The following NLRP13 variants were observed in gnomAD, a reference collection of about 807,000 sequenced individuals.
NLRP13 encodes NLR family pyrin domain containing 13, also known as NACHT, LRR and PYD domains-containing protein 13.
In NLRP13, 82 loss-of-function variants were observed where a neutral mutation model predicts 94.4. The observed-to-expected ratio is 0.87, with a 90% CI of 0.73 to 1.04. The LOEUF is 1.04. NLRP13 is among the 50% of genes least tolerant of loss of function. The pLI, the probability that NLRP13 is intolerant of heterozygous loss-of-function variation, is 0.00. For missense variants in NLRP13, 1,426 were observed against 1,230.8 expected, an observed-to-expected ratio of 1.16 and a Z score of -2.37; for synonymous variants, 553 against 464.7, an observed-to-expected ratio of 1.19 and a Z score of -2.45.
intron 3 of NLRP13, among the ~76,000 whole-genome samples, chr19:55,924,194 C>T (rs900088831): frequency 2.0e-5 from 3 of 152,288 alleles, no homozygotes; most frequent in African/African-American, 7.2e-5. Context: ...ACCATCTTGG[C>T]TCACTGCAAC....
intron 6 of NLRP13, 61 bp from the exon 7 acceptor site, chr19:55,908,017 G>C: frequency 6.7e-7 from 1 of 1,482,342 alleles, no homozygotes; most frequent in Non-Finnish European, 9.2e-7. Flanking sequence ...CCAGGATCCC[G>C]TCTGCCTCCT....
rs565720346 is a variant in NLRP13, at chr19:55,926,009, C to T, written c.320-974G>A. The stretch of plus-strand genomic sequence containing the variant: ...AGCTGAAGTCTGTCCTGAATTCTAA[C>T]TCTCCTGGAAGCAGGGAGCCCGAGT... On this transcript the variant is annotated intron_variant, in intron 1 of 10. Transcript: ENST00000342929. Among the ~76,000 whole-genome samples, 7 of 152,248 alleles carry T rather than the reference C, an allele frequency of 4.6e-5. No homozygotes were observed. In the South Asian group the frequency reaches 1.5e-3, roughly 32 times the overall value.
chr19:55,921,620 C>A (rs537039169), intron 4 of NLRP13, among the ~76,000 whole-genome samples: 2 of 152,202 alleles, frequency 1.3e-5, no homozygotes, highest in African/African-American at 4.8e-5. Flanking sequence ...ATAAATATTA[C>A]CTGTTATGAT....
chr19:55,907,448 T>A (rs552163603), intron 7 of NLRP13, among the ~76,000 whole-genome samples: 8 of 152,256 alleles, frequency 5.3e-5, no homozygotes, highest in Non-Finnish European at 1.0e-4. Flanking sequence ...GGCACACACC[T>A]GTGGGTACCA....
At chr19:55,915,780 AC>A (rs947845587) in intron 4 of NLRP13, among the ~76,000 whole-genome samples, 9 of 151,510 alleles carry the variant, frequency 5.9e-5, no homozygotes, top group African/African-American at 2.2e-4. Context: ...CTTCACTCCC[AC>A]CCCTCCATGG....
At chr19:55,892,223 G>T, downstream of NLRP13, 1 of 809,166 alleles carries the variant, frequency 1.2e-6, no homozygotes, top group Non-Finnish European at 1.7e-6. Context: ...TGTTACATGG[G>T]TCTACTGTGT....
chr19:55,902,094 C>T lies in NLRP13; in HGVS notation c.2730G>A (p.Glu910=), dbSNP rs1260670074. Reference sequence around the variant, plus strand: ...AGGCCTCACACAGGAACTTGACTCCCTCGTCTCTCAGGCTGTTCTTGCTCA... The same window carrying T: ...AGGCCTCACACAGGAACTTGACTCCTTCGTCTCTCAGGCTGTTCTTGCTCA... ...LNLSKNSLRD[E]GVKFLCEALG... Residue 910 remains glutamate, a synonymous_variant, in exon 9 of 11, where the codon GAG becomes GAA. Coordinates refer to ENST00000342929, the MANE Select transcript of NLRP13 (RefSeq NM_176810.2). 6.2e-7 allele frequency: 1 copy of T among 1,614,162 alleles called. No homozygotes were observed. The highest frequency in any genetic ancestry group is 1.1e-5 in the South Asian group (1 of 91,080).
At chr19:55,928,373 T>C (rs1469229978) in intron 1 of NLRP13, among the ~76,000 whole-genome samples, 1 of 152,174 alleles carries the variant, frequency 6.6e-6, no homozygotes, top group Non-Finnish European at 1.5e-5. Context: ...ACCCCATAAA[T>C]ATATACACCT....
intron 1 of NLRP13, among the ~76,000 whole-genome samples, chr19:55,931,523 A>G (rs1402597805): frequency 6.6e-6 from 1 of 151,494 alleles, no homozygotes; most frequent in Non-Finnish European, 1.5e-5. Context: ...CCTGGCTAAC[A>G]CAGTGAAACC....
downstream of NLRP13, among the ~76,000 whole-genome samples, chr19:55,892,554 TG>T (rs1480825668): frequency 6.6e-6 from 1 of 152,120 alleles, no homozygotes; most frequent in African/African-American, 2.4e-5. Context: ...CCTGAATAGC[TG>T]GGATTATAGG....
intron 4 of NLRP13, among the ~76,000 whole-genome samples, chr19:55,915,965 T>C (rs1273224193): frequency 1.3e-5 from 2 of 152,094 alleles, no homozygotes; most frequent in Non-Finnish European, 2.9e-5. Flanking sequence ...CACAACCCAA[T>C]ACAAAAGCTG....
At position 55,898,801 on chromosome 19, in the gene NLRP13, G is replaced by C. The variant is rs768591878; in HGVS notation, c.2926C>G (p.Leu976Val). ...DDGVKLLCEA[L>V]KPHRALHTLG... ...GTGTGCAATGCACGATGTGGTTTCA[G>C]AGCCTCACACAGTAGCTTCACTCCA... Residue 976 changes from leucine to valine, a missense_variant, in exon 10 of 11, where the codon CTG becomes GTG. Physicochemically the swap from Leu to Val is conservative, Grantham distance 32. Transcript: ENST00000342929. 2 of 1,612,120 alleles carry C rather than the reference G, an allele frequency of 1.2e-6. No homozygotes were observed.
chr19:55,910,916 C>A (rs1986492344), intron 5 of NLRP13, among the ~76,000 whole-genome samples, 183 bp from the exon 6 acceptor site: 1 of 152,188 alleles, frequency 6.6e-6, no homozygotes, highest in Admixed American at 6.5e-5. Flanking sequence ...AGTTTGAGAC[C>A]ACCATGGCCA....
chr19:55,898,826 A>G lies in NLRP13; in HGVS notation c.2901T>C (p.Asp967=), dbSNP rs759401181. The change falls in exon 10 of 11, where the codon GAT becomes GAC. Residue 967 remains aspartate, a synonymous_variant. Transcript: ENST00000342929. ...LDLGENDLQD[D]GVKLLCEALK... ...GAGCCTCACACAGTAGCTTCACTCC[A>G]TCATCCTGAAGATCATTTTCTCCCA... 5 of 1,613,872 alleles carry G rather than the reference A, an allele frequency of 3.1e-6. No individual in the cohort carries two copies. Among genetic ancestry groups the G allele is most frequent in the African/African-American group, 2.7e-5 (2 of 74,934 alleles).
intron 7 of NLRP13, among the ~76,000 whole-genome samples, chr19:55,906,499 A>G (rs1319710652): frequency 6.6e-6 from 1 of 152,076 alleles, no homozygotes; most frequent in Non-Finnish European, 1.5e-5. Context: ...TCCAGCTTGC[A>G]AAGAAGATGC....
At chr19:55,904,181 C>T (rs377685460) in intron 8 of NLRP13, among the ~76,000 whole-genome samples, 7 of 152,322 alleles carry the variant, frequency 4.6e-5, no homozygotes, top group Admixed American at 3.3e-4. Context: ...AAACCTTCAC[C>T]TCCTGGGTTC....
At chr19:55,899,007 C>T (rs1184217008) in intron 9 of NLRP13, 70 bp from the exon 10 acceptor site, 7 of 1,478,292 alleles carry the variant, frequency 4.7e-6, no homozygotes, top group Non-Finnish European at 6.4e-6. Context: ...TTTACAACTG[C>T]CCATCTCACG....
intron 9 of NLRP13, 140 bp downstream of exon 9, chr19:55,901,895 C>T: frequency 1.2e-6 from 1 of 853,658 alleles, no homozygotes; most frequent in Non-Finnish European, 1.8e-6. Flanking sequence ...ATCCCACACC[C>T]CCGACAAAAC....
intron 4 of NLRP13, among the ~76,000 whole-genome samples, chr19:55,922,039 G>A (rs1208961899): frequency 6.6e-6 from 1 of 152,204 alleles, no homozygotes; most frequent in African/African-American, 2.4e-5. Flanking sequence ...CATGGCAGAA[G>A]GCAAAGCAGG....
Sources: allele counts gnomAD v4.1 joint callset (sites outside exome capture counted in the v4.1 genomes callset), GRCh38; gene constraint gnomAD v4.1.1; transcripts MANE v1.5; gene names NCBI Gene and HGNC (gene_info 2026-07-23, HGNC 2026-07-21).